TMEM132C: variants seen among roughly 807,000 people sequenced by gnomAD.
The protein encoded by TMEM132C is protein phosphatase 1, regulatory subunit 152.
TMEM132C carries 29 observed loss-of-function variants against 61.4 expected under a neutral mutation model. The ratio of observed to expected loss-of-function variants is 0.47; its 90% CI spans 0.35 to 0.64. TMEM132C has a LOEUF of 0.64. Among genes scored for constraint, TMEM132C ranks in the 30% least tolerant of loss-of-function variants. TMEM132C has a pLI of 0.00. For missense variants in TMEM132C, 1,408 were observed against 1,476.9 expected, an observed-to-expected ratio of 0.95 and a Z score of 0.76; for synonymous variants, 656 against 633.1, an observed-to-expected ratio of 1.04 and a Z score of -0.54.
intron 2 of TMEM132C, among the ~76,000 whole-genome samples, chr12:128,500,386 C>G (rs1872128261): frequency 6.6e-6 from 1 of 151,138 alleles, no homozygotes; most frequent in African/African-American, 2.4e-5. Flanking sequence ...TCCAAGAACC[C>G]TATCAAGAAA....
intron 2 of TMEM132C, among the ~76,000 whole-genome samples, chr12:128,445,680 C>T (rs1451552484): frequency 6.6e-6 from 1 of 152,238 alleles, no homozygotes. Flanking sequence ...GAAGGGCTCA[C>T]TCTGAGTGCC....
rs146821665 is a variant in TMEM132C, at chr12:128,333,954, G to A, written c.85+66467G>A. Among the ~76,000 whole-genome samples the A allele has an allele frequency of 7.5e-3, 1,145 of 151,838 alleles. 11 individuals are homozygous for A. Among genetic ancestry groups the A allele is most frequent in the Middle Eastern group, 0.034 (10 of 294 alleles). On this transcript the variant is annotated intron_variant, in intron 1 of 8. Transcript: ENST00000435159. ...TATGTATGAGAGTGTGTGGTGTTGTGTGTAAGTGTGAGAGTGTGTGGCCTG... is the reference window on the plus strand; with the variant it reads ...TATGTATGAGAGTGTGTGGTGTTGTATGTAAGTGTGAGAGTGTGTGGCCTG...
intron 3 of TMEM132C, among the ~76,000 whole-genome samples, chr12:128,592,236 C>T (rs996122615): frequency 1.3e-5 from 2 of 152,180 alleles, no homozygotes; most frequent in African/African-American, 2.4e-5. Flanking sequence ...CATCACACAG[C>T]ACCATGCTGC....
chr12:128,655,326 C>G (rs938491396), intron 4 of TMEM132C, among the ~76,000 whole-genome samples: 4 of 152,180 alleles, frequency 2.6e-5, no homozygotes, highest in African/African-American at 9.7e-5. Context: ...GGTGGAATTG[C>G]AAGAGGCCTC....
At chr12:128,323,330 G>T (rs1872396979) in intron 1 of TMEM132C, among the ~76,000 whole-genome samples, 1 of 152,204 alleles carries the variant, frequency 6.6e-6, no homozygotes, top group South Asian at 2.1e-4. Context: ...TGGAAGATTG[G>T]CCTTGAGCCA....
intron 3 of TMEM132C, among the ~76,000 whole-genome samples, chr12:128,588,900 T>A (rs1361196140): frequency 6.6e-6 from 1 of 152,062 alleles, no homozygotes; most frequent in Non-Finnish European, 1.5e-5. Context: ...AGATACCTGG[T>A]GTAAGAAGAG....
intron 4 of TMEM132C, among the ~76,000 whole-genome samples, chr12:128,619,837 T>C (rs1165402419): frequency 6.6e-6 from 1 of 152,184 alleles, no homozygotes; most frequent in African/African-American, 2.4e-5. Flanking sequence ...AAAAAAGGGT[T>C]CATATCCCAA....
intron 1 of TMEM132C, among the ~76,000 whole-genome samples, chr12:128,291,299 G>A (rs1032450923): frequency 3.3e-5 from 5 of 152,176 alleles, no homozygotes; most frequent in African/African-American, 4.8e-5. Context: ...TGTAGGTACC[G>A]TTTTCACCCT....
In TMEM132C at chr12:128,412,309, G is replaced by A. The variant is rs1475452784; in HGVS notation, c.86-2423G>A. On this transcript the variant is annotated intron_variant, in intron 1 of 8. Transcript: ENST00000435159. Reference sequence around the variant, plus strand: ...CCTCCATCTTTTCTCCCCATCTTCAGCCCCCTTTATTTCTGCCTGGTTCTC... The same window carrying A: ...CCTCCATCTTTTCTCCCCATCTTCAACCCCCTTTATTTCTGCCTGGTTCTC... Among the ~76,000 whole-genome samples the A allele has an allele frequency of 2.0e-5, 3 of 152,058 alleles. No individual in the cohort carries two copies. The East Asian group carries it at 5.8e-4, about 29-fold the overall frequency.
chr12:128,329,454 C>T (rs937337765), intron 1 of TMEM132C, among the ~76,000 whole-genome samples: 22 of 152,086 alleles, frequency 1.4e-4, no homozygotes, highest in South Asian at 2.1e-4. Flanking sequence ...GGTGGTTTGG[C>T]GGAAAGAGGA....
At chr12:128,648,668 T>A (rs1954236175) in intron 4 of TMEM132C, among the ~76,000 whole-genome samples, 1 of 151,996 alleles carries the variant, frequency 6.6e-6, no homozygotes, top group Admixed American at 6.5e-5. Context: ...TGAGTGTGTT[T>A]ACTGGAGTCC....
At chr12:128,335,735 A>G (rs1302128682) in intron 1 of TMEM132C, among the ~76,000 whole-genome samples, 2 of 152,218 alleles carry the variant, frequency 1.3e-5, no homozygotes, top group African/African-American at 4.8e-5. Flanking sequence ...CCCATGGGGT[A>G]GATACCTGCA....
intron 2 of TMEM132C, among the ~76,000 whole-genome samples, chr12:128,481,818 C>T (rs1217918564): frequency 6.6e-6 from 1 of 152,138 alleles, no homozygotes; most frequent in Non-Finnish European, 1.5e-5. Flanking sequence ...ACTGGAGGCA[C>T]TCTGCTTGAC....
Position 128,326,269 on chromosome 12 carries a change from T to C in TMEM132C, c.85+58782T>C, listed in dbSNP as rs1872514197. ...CTCCATTCCTCCCCACCACCATCACTCCATGAACCCCCCAGCCTCCCTGGG... is the reference window on the plus strand; with the variant it reads ...CTCCATTCCTCCCCACCACCATCACCCCATGAACCCCCCAGCCTCCCTGGG... On this transcript the variant is annotated intron_variant, in intron 1 of 8. Coordinates refer to ENST00000435159, the MANE Select transcript of TMEM132C (RefSeq NM_001136103.3). This position sits in a 1 kb window ranked among gnomAD's most constrained non-coding sequence, Gnocchi z 5.6. 6.6e-6 allele frequency among the ~76,000 whole-genome samples: 1 copy of C among 152,136 alleles called. No individual in the cohort carries two copies. Among genetic ancestry groups the C allele is most frequent in the Non-Finnish European group, 1.5e-5 (1 of 68,030 alleles).
intron 1 of TMEM132C, among the ~76,000 whole-genome samples, chr12:128,304,237 G>C (rs1871686879): frequency 1.1e-5 from 1 of 92,840 alleles, no homozygotes; most frequent in Admixed American, 1.0e-4. Flanking sequence ...TGAGAATCGA[G>C]CTTCCCTACA....
intron 1 of TMEM132C, among the ~76,000 whole-genome samples, chr12:128,328,056 AT>A (rs1872577475): frequency 6.6e-6 from 1 of 152,092 alleles, no homozygotes; most frequent in African/African-American, 2.4e-5. Flanking sequence ...TTCAGGTTAA[AT>A]TTTAGAGTGC....
chr12:128,642,412 G>A (rs770069444), intron 4 of TMEM132C, among the ~76,000 whole-genome samples: 7 of 152,160 alleles, frequency 4.6e-5, no homozygotes, highest in Non-Finnish European at 8.8e-5. Context: ...TGGTTTAGAT[G>A]TTTGTCCCCT....
chr12:128,427,770 G>A (rs1225061854), intron 2 of TMEM132C, among the ~76,000 whole-genome samples: 2 of 152,176 alleles, frequency 1.3e-5, no homozygotes, highest in African/African-American at 4.8e-5. Context: ...GCACTCCTCA[G>A]TACAATGTGC....
intron 1 of TMEM132C, among the ~76,000 whole-genome samples, chr12:128,380,717 C>G (rs1427104467): frequency 6.6e-6 from 1 of 152,116 alleles, no homozygotes; most frequent in African/African-American, 2.4e-5. Context: ...TGCAAACCTG[C>G]CTGGGCAACA....
Sources: gnomAD v4.1 joint callset for allele counts (sites outside exome capture counted in the v4.1 genomes callset) on GRCh38, gnomAD v4.1.1 for gene constraint, Gnocchi (gnomAD v3.1) non-coding constraint, MANE v1.5 for transcripts, NCBI Gene and HGNC (gene_info 2026-07-23, HGNC 2026-07-21) for gene names.